MAPKAPK5: variants seen among roughly 807,000 people sequenced by gnomAD.
MAPKAPK5 encodes the protein MAP kinase-activated protein kinase 5.
A neutral mutation model predicts 65.1 loss-of-function variants in MAPKAPK5; 30 were observed. The ratio of observed to expected loss-of-function variants is 0.46; its 90% CI spans 0.34 to 0.63. The LOEUF is 0.63. Among genes scored for constraint, MAPKAPK5 ranks in the 20% least tolerant of loss-of-function variants. The pLI is 0.01. For synonymous variants in MAPKAPK5, 179 were observed against 204.6 expected, an observed-to-expected ratio of 0.87 and a Z score of 1.07; for missense variants, 433 against 581.4, an observed-to-expected ratio of 0.74 and a Z score of 2.63.
At chr12:111,845,943 C>T (rs1365866434) in intron 1 of MAPKAPK5, among the ~76,000 whole-genome samples, 2 of 152,104 alleles carry the variant, frequency 1.3e-5, no homozygotes, top group East Asian at 1.9e-4. Flanking sequence ...TAATACCTAA[C>T]AGCAAGAGCT....
chr12:111,886,753 T>G (rs1474613622), intron 10 of MAPKAPK5, among the ~76,000 whole-genome samples: 3 of 152,194 alleles, frequency 2.0e-5, no homozygotes, highest in African/African-American at 7.2e-5. Context: ...GGGATGCAGC[T>G]GAGAGGCCAT....
chr12:111,869,326 C>A (rs898670660), intron 5 of MAPKAPK5, among the ~76,000 whole-genome samples: 1 of 152,194 alleles, frequency 6.6e-6, no homozygotes, highest in African/African-American at 2.4e-5. Context: ...ATCCTAAGAT[C>A]TTTGTAATTC....
At position 111,888,950 on chromosome 12, in the gene MAPKAPK5, C is replaced by T; in HGVS notation, c.1166C>T (p.Ala389Val). 6.2e-7 allele frequency: 1 copy of T among 1,610,968 alleles called. No individual in the cohort carries two copies. Among genetic ancestry groups the T allele is most frequent in the Non-Finnish European group, 8.5e-7 (1 of 1,178,644 alleles). The change falls in exon 12 of 14, where the codon GCC (alanine) becomes GTC (valine). Residue 389 changes from alanine (A) to valine (V), a missense_variant. Coordinates refer to ENST00000550735, the MANE Select transcript of MAPKAPK5 (RefSeq NM_003668.4). ...AATGGAGCCGAGGATTCCAATGTTG[C>T]CTTGGAAAAACTCCGAGATGTGATT... ...HENGAEDSNV[A>V]LEKLRDVIAQ...
In MAPKAPK5 at chr12:111,868,837, G is replaced by T; in HGVS notation, c.369G>T (p.Lys123Asn). The T allele has an allele frequency of 1.9e-6, 3 of 1,562,666 alleles. No individual in the cohort carries two copies. The highest frequency in any genetic ancestry group is 2.6e-6 in the Non-Finnish European group (3 of 1,153,542). The change falls in exon 5 of 14, where the codon AAG becomes AAT. Residue 123 changes from lysine to asparagine, a missense_variant. By Grantham distance (94) the Lys-to-Asn change is moderately conservative. Coordinates refer to ENST00000550735, the MANE Select transcript of MAPKAPK5 (RefSeq NM_003668.4). Reference sequence around the variant, plus strand: ...GCCAGCACCGGCACTTTACAGAGAAGCAAGCCAGCCAAGTAACAAAGCAGG... The same window carrying T: ...GCCAGCACCGGCACTTTACAGAGAATCAAGCCAGCCAAGTAACAAAGCAGG... ...RISQHRHFTE[K>N]QASQVTKQIA... is the part of the protein sequence containing the mutation.
chr12:111,869,047 G>T (rs1212568679), intron 5 of MAPKAPK5, among the ~76,000 whole-genome samples, 186 bp downstream of exon 5: 2 of 152,102 alleles, frequency 1.3e-5, no homozygotes, highest in African/African-American at 4.8e-5. Context: ...TGGGGGTGGG[G>T]GTACTGTGTT....
At chr12:111,889,341 G>A in intron 12 of MAPKAPK5, 1 of 246,246 alleles carries the variant, frequency 4.1e-6, no homozygotes, top group Non-Finnish European at 8.0e-6. Context: ...GGAAAATGTG[G>A]GTAGGGTCTG....
chr12:111,877,218 C>T (rs745804375), intron 7 of MAPKAPK5, among the ~76,000 whole-genome samples: 5 of 152,218 alleles, frequency 3.3e-5, no homozygotes, highest in Non-Finnish European at 5.9e-5. Flanking sequence ...AGGGTTTCGC[C>T]ATGTTGTTCA....
rs1298232649 is a variant in MAPKAPK5, at chr12:111,898,196, TCTCA to T, written c.*5139_*5142del. 6.6e-6 allele frequency: 1 copy of T among 152,044 alleles called. No homozygotes were observed. The highest frequency in any genetic ancestry group is 1.5e-5 in the Non-Finnish European group (1 of 68,004). The allele number at this position is 152,044 out of a possible 1,614,324, so 9.4% of individuals were successfully genotyped here. On this transcript the variant is annotated 3_prime_UTR_variant, in exon 14 of 14. Coordinates refer to ENST00000550735, the MANE Select transcript of MAPKAPK5 (RefSeq NM_003668.4). ...CCACAGTTTTTTTTTTGAGACGGAT[TCTCA>T]CTCTGTTGCCCAGGTTGGAGTGCAA...
At chr12:111,888,837 G>T in intron 11 of MAPKAPK5, 48 bp from the exon 12 acceptor site, 1 of 1,604,160 alleles carries the variant, frequency 6.2e-7, no homozygotes, top group Non-Finnish European at 8.5e-7. Context: ...TCCAGAGTTG[G>T]TTTTTGGGGT....
At chr12:111,856,405 C>CTT (rs2069242018) in intron 1 of MAPKAPK5, among the ~76,000 whole-genome samples, 3 of 105,710 alleles carry the variant, frequency 2.8e-5, no homozygotes, top group African/African-American at 7.5e-5. Flanking sequence ...CTTTTTTTTT[C>CTT]TTTCTTTTTT....
Position 111,883,796 on chromosome 12 carries a change from G to T in MAPKAPK5, c.848+28G>T. The T allele has an allele frequency of 6.2e-7, 1 of 1,604,296 alleles. No individual in the cohort carries two copies. Among genetic ancestry groups the T allele is most frequent in the Non-Finnish European group, 8.5e-7 (1 of 1,175,846 alleles). Reference sequence around the variant, plus strand: ...GAGTTCACGGGCTGCTGGGCATGGAGGCCAAGGAGGCCTCCAGGTGGTGGA... The same window carrying T: ...GAGTTCACGGGCTGCTGGGCATGGATGCCAAGGAGGCCTCCAGGTGGTGGA... On this transcript the variant is annotated intron_variant, in intron 9 of 13. Transcript: ENST00000550735. This position sits in a 1 kb window ranked among gnomAD's most constrained non-coding sequence, Gnocchi z 4.8.
Position 111,845,236 on chromosome 12 carries a change from T to G in MAPKAPK5, c.36+2467T>G, listed in dbSNP as rs12230410. 0.055 allele frequency among the ~76,000 whole-genome samples: 8,378 copies of G among 152,118 alleles called. 1,271 individuals carry two copies. In the East Asian group the frequency reaches 0.61, roughly 11 times the overall value. On this transcript the variant is annotated intron_variant, in intron 1 of 13. Transcript: ENST00000550735. ...TCCTCCCAGGTTCAAGCAATTCTTG[T>G]GCCTTGGCCCTCCGAGTAGCTGGGA...
intron 9 of MAPKAPK5, chr12:111,885,629 C>G (rs2070374449): frequency 3.1e-6 from 1 of 321,416 alleles, no homozygotes; most frequent in South Asian, 6.9e-5. Flanking sequence ...GAACTATAAG[C>G]CATATGTAGG....
chr12:111,842,546 G>C lies in MAPKAPK5; in HGVS notation c.-188G>C. The C allele has an allele frequency of 2.5e-6, 1 of 394,938 alleles. No homozygotes were observed. The allele number at this position is 394,938 out of a possible 1,614,324, so 24.5% of individuals were successfully genotyped here. On this transcript the variant is annotated 5_prime_UTR_variant, in exon 1 of 14. Coordinates refer to ENST00000550735, the MANE Select transcript of MAPKAPK5 (RefSeq NM_003668.4). The stretch of plus-strand genomic sequence containing the variant: ...GCCTCCGCCGCTGCTGCTGCCGCCA[G>C]CCTAGAGCCGCCCGCCGAAGCAGAG...
intron 13 of MAPKAPK5, among the ~76,000 whole-genome samples, chr12:111,890,731 C>T (rs562434702): frequency 1.6e-4 from 24 of 152,308 alleles, no homozygotes; most frequent in African/African-American, 5.8e-4. Flanking sequence ...AATCTTTGCT[C>T]ATTGCAACCT....
intron 13 of MAPKAPK5, among the ~76,000 whole-genome samples, chr12:111,891,673 G>A (rs2072363195): frequency 6.6e-6 from 1 of 151,230 alleles, no homozygotes. Context: ...CGGGCATGGT[G>A]GCATGCGCCT....
In MAPKAPK5 at chr12:111,883,610, T is replaced by G; in HGVS notation, c.690T>G (p.Ile230Met). 1 of 1,613,886 alleles carries G rather than the reference T, an allele frequency of 6.2e-7. No individual in the cohort carries two copies. Among genetic ancestry groups the G allele is most frequent in the Non-Finnish European group, 8.5e-7 (1 of 1,179,828 alleles). The change falls in exon 9 of 14, where the codon ATT (isoleucine) becomes ATG (methionine). Residue 230 changes from isoleucine to methionine, a missense_variant. By Grantham distance (10) the Ile-to-Met change is conservative. This residue lies in a region of MAPKAPK5 where 99 missense variants were observed against 185.8 expected (regional missense o/e 0.53). Coordinates refer to ENST00000550735, the MANE Select transcript of MAPKAPK5 (RefSeq NM_003668.4). This position sits in a 1 kb window ranked among gnomAD's most constrained non-coding sequence, Gnocchi z 4.8. ...GTGACTTGTGGTCCCTAGGGGTGATTATCTATGTGATGCTGTGCGGATACC... is the reference window on the plus strand; with the variant it reads ...GTGACTTGTGGTCCCTAGGGGTGATGATCTATGTGATGCTGTGCGGATACC... ...KSCDLWSLGV[I>M]IYVMLCGYPP... is the part of the protein sequence containing the mutation.
intron 7 of MAPKAPK5, among the ~76,000 whole-genome samples, chr12:111,878,970 T>G (rs2097701): frequency 0.2 from 29,691 of 152,124 alleles, 3,100 homozygotes; most frequent in Middle Eastern, 0.27. Flanking sequence ...CCTTTGTTCT[T>G]CATTTTCAAA....
At chr12:111,881,159 C>T (rs1423029512) in intron 8 of MAPKAPK5, among the ~76,000 whole-genome samples, 3 of 151,912 alleles carry the variant, frequency 2.0e-5, no homozygotes, top group Non-Finnish European at 4.4e-5. Context: ...CTGCAACCTC[C>T]ACCTCCTGTG....
Sources: allele counts gnomAD v4.1 joint callset (sites outside exome capture counted in the v4.1 genomes callset), GRCh38; gene constraint gnomAD v4.1.1; regional missense constraint gnomAD v4.1.1; non-coding constraint Gnocchi (gnomAD v3.1); transcripts MANE v1.5; gene names NCBI Gene and HGNC (gene_info 2026-07-23, HGNC 2026-07-21).